KCNK3: variants seen among roughly 807,000 people sequenced by gnomAD.
KCNK3 encodes potassium two pore domain channel subfamily K member 3.
A neutral mutation model predicts 27.3 loss-of-function variants in KCNK3; 9 were observed. The ratio of observed to expected loss-of-function variants is 0.33; its 90% CI spans 0.20 to 0.57. KCNK3 has a LOEUF of 0.57. Ranked by LOEUF, KCNK3 falls within the 20% of genes least tolerant of loss-of-function variation. The pLI, the probability that KCNK3 is intolerant of heterozygous loss-of-function variation, is 0.87. For missense variants in KCNK3, 391 were observed against 577.7 expected, an observed-to-expected ratio of 0.68 and a Z score of 3.31; for synonymous variants, 278 against 273.8, an observed-to-expected ratio of 1.02 and a Z score of -0.15.
intron 1 of KCNK3, among the ~76,000 whole-genome samples, chr2:26,707,559 T>C (rs1670391549): frequency 6.6e-6 from 1 of 152,172 alleles, no homozygotes; most frequent in South Asian, 2.1e-4. Context: ...CCTGGGGGTC[T>C]CCACTGTGGT....
intron 1 of KCNK3, among the ~76,000 whole-genome samples, chr2:26,717,507 G>T (rs750199082): frequency 6.6e-6 from 1 of 152,222 alleles, no homozygotes; most frequent in Non-Finnish European, 1.5e-5. Flanking sequence ...AGCCATCCGC[G>T]AAGAGGGCCA....
chr2:26,718,663 TA>T (rs892129896), intron 1 of KCNK3, among the ~76,000 whole-genome samples: 9 of 151,998 alleles, frequency 5.9e-5, no homozygotes, highest in African/African-American at 2.2e-4. Flanking sequence ...GGCTGGAGTG[TA>T]GTGGTGCAAT....
rs1572612925 is a variant in KCNK3 at position 26,721,355 on chromosome 2, A to G, written c.284-6312A>G. Among the ~76,000 whole-genome samples the G allele has an allele frequency of 1.3e-5, 2 of 151,996 alleles. No individual in the cohort carries two copies. Among genetic ancestry groups the G allele is most frequent in the African/African-American group, 4.8e-5 (2 of 41,362 alleles). ...TGCATCTCACAGGAGGAGGGAGAGCACCTGCGCCCTCCTCCCGTCTCCACC... is the reference window on the plus strand; with the variant it reads ...TGCATCTCACAGGAGGAGGGAGAGCGCCTGCGCCCTCCTCCCGTCTCCACC... On this transcript the variant is annotated intron_variant, in intron 1 of 1. Coordinates refer to ENST00000302909, the MANE Select transcript of KCNK3 (RefSeq NM_002246.3). The surrounding 1 kb of genome is among the most constrained non-coding windows in gnomAD (Gnocchi z 4.3).
In KCNK3 at chr2:26,693,622, C is replaced by A. The variant is rs1258894592; in HGVS notation, c.283+464C>A. 6.6e-6 allele frequency among the ~76,000 whole-genome samples: 1 copy of A among 152,178 alleles called. No individual in the cohort carries two copies. Among genetic ancestry groups the A allele is most frequent in the African/African-American group, 2.4e-5 (1 of 41,452 alleles). ...GGGGAGGCATGAGGATGTCGGAATGCGGCACTTCGGGGCACTTGGGGCCAC... is the reference window on the plus strand; with the variant it reads ...GGGGAGGCATGAGGATGTCGGAATGAGGCACTTCGGGGCACTTGGGGCCAC... On this transcript the variant is annotated intron_variant, in intron 1 of 1. Transcript: ENST00000302909. This position sits in a 1 kb window ranked among gnomAD's most constrained non-coding sequence, Gnocchi z 5.5.
In KCNK3 at chr2:26,728,212, G is replaced by A. The variant is rs1175185220; in HGVS notation, c.829G>A (p.Gly277Ser). The change falls in exon 2 of 2, where the codon GGC becomes AGC. Residue 277 changes from glycine to serine, a missense_variant. This residue lies in a region of KCNK3 where 192 missense variants were observed against 196.0 expected (regional missense o/e 0.98). Coordinates refer to ENST00000302909, the MANE Select transcript of KCNK3 (RefSeq NM_002246.3). Reference protein sequence around the residue: ...NGQAGGGGGGGSAHTTDTASS... With the variant: ...NGQAGGGGGGSSAHTTDTASS... ...GCAGGCGGGCGGCGGCGGAGGGGGTGGCAGCGCGCACACTACGGACACCGC... is the reference window on the plus strand; with the variant it reads ...GCAGGCGGGCGGCGGCGGAGGGGGTAGCAGCGCGCACACTACGGACACCGC... The A allele has an allele frequency of 1.9e-6, 3 of 1,561,886 alleles. No homozygotes were observed.
chr2:26,720,083 T>C (rs1221536375), intron 1 of KCNK3, among the ~76,000 whole-genome samples: 3 of 152,134 alleles, frequency 2.0e-5, no homozygotes, highest in African/African-American at 7.2e-5. Context: ...GCCAATGTGG[T>C]GCAACCCCGT....
chr2:26,715,674 C>T (rs1663216848), intron 1 of KCNK3, among the ~76,000 whole-genome samples: 1 of 152,220 alleles, frequency 6.6e-6, no homozygotes, highest in Admixed American at 6.5e-5. Flanking sequence ...ACTCCATGTG[C>T]CCCTGAGGGC....
intron 1 of KCNK3, among the ~76,000 whole-genome samples, chr2:26,705,660 A>G (rs969763568): frequency 2.0e-5 from 3 of 152,128 alleles, no homozygotes; most frequent in African/African-American, 7.2e-5. Flanking sequence ...GTGTTGGCCT[A>G]TGAGGGGCAA....
intron 1 of KCNK3, among the ~76,000 whole-genome samples, chr2:26,704,269 C>T (rs1014921816): frequency 2.0e-5 from 3 of 152,134 alleles, no homozygotes; most frequent in Non-Finnish European, 4.4e-5. Flanking sequence ...AGCACCGGGA[C>T]GGTGCTAAGC....
In KCNK3 at chr2:26,728,192, C is replaced by A; in HGVS notation, c.809C>A (p.Ala270Glu). 6.4e-7 allele frequency: 1 copy of A among 1,563,632 alleles called. No individual in the cohort carries two copies. Among genetic ancestry groups the A allele is most frequent in the Non-Finnish European group, 8.7e-7 (1 of 1,154,400 alleles). ...HRALLTRNGQ[A>E]GGGGGGGSAH... ...GCGCTGCTCACGCGCAACGGGCAGGCGGGCGGCGGCGGAGGGGGTGGCAGC... is the reference window on the plus strand; with the variant it reads ...GCGCTGCTCACGCGCAACGGGCAGGAGGGCGGCGGCGGAGGGGGTGGCAGC... The change falls in exon 2 of 2, where the codon GCG becomes GAG. Residue 270 changes from alanine (A) to glutamate (E), a missense_variant. Coordinates refer to ENST00000302909, the MANE Select transcript of KCNK3 (RefSeq NM_002246.3).
In KCNK3 at chr2:26,692,756, G is replaced by T. The variant is rs12476527; in HGVS notation, c.-120G>T. On this transcript the variant is annotated 5_prime_UTR_variant, in exon 1 of 2. Coordinates refer to ENST00000302909, the MANE Select transcript of KCNK3 (RefSeq NM_002246.3). This position sits in a 1 kb window ranked among gnomAD's most constrained non-coding sequence, Gnocchi z 5.6. ...GGCCCCGGGCGCTGAGCGGGTGCCC[G>T]GCGCGGAGAGCGGCGAGCGCAGCCA... 267,123 of 465,024 alleles carry T rather than the reference G, an allele frequency of 0.57. 80,860 individuals carry two copies. The highest frequency in any genetic ancestry group is 0.66 in the Admixed American group (10,074 of 15,234). The allele number at this position is 465,024 out of a possible 1,614,324, so 28.8% of individuals were successfully genotyped here.
At chr2:26,710,554 A>T (rs567868207) in intron 1 of KCNK3, among the ~76,000 whole-genome samples, 1 of 152,300 alleles carries the variant, frequency 6.6e-6, no homozygotes, top group East Asian at 1.9e-4. Flanking sequence ...GTGGGAAGTC[A>T]TGTGCAAGGC....
At chr2:26,699,250 A>AAGCAAGC (rs1558594833) in intron 1 of KCNK3, among the ~76,000 whole-genome samples, 43 of 142,872 alleles carry the variant, frequency 3.0e-4, no homozygotes, top group Middle Eastern at 3.5e-3. Context: ...AGAAAGAAAG[A>AAGCAAGC]AAGCCAGCCA....
In KCNK3 at chr2:26,721,169, T is replaced by TGTGCTGGACACTGAGGGGACAAGCCAGCC. The variant is rs1267273053; in HGVS notation, c.284-6497_284-6469dup. 2.0e-5 allele frequency among the ~76,000 whole-genome samples: 3 copies of TGTGCTGGACACTGAGGGGACAAGCCAGCC among 152,040 alleles called. No individual in the cohort carries two copies. The highest frequency in any genetic ancestry group is 4.4e-5 in the Non-Finnish European group (3 of 67,986). On this transcript the variant is annotated intron_variant, in intron 1 of 1. Transcript: ENST00000302909. This position sits in a 1 kb window ranked among gnomAD's most constrained non-coding sequence, Gnocchi z 4.3. ...TTCTGCAGCCCTCCCACCCCAGGCC[T>TGTGCTGGACACTGAGGGGACAAGCCAGCC]GTGCTGGACACTGAGGGGACAAGCC...
At chr2:26,711,060 C>T (rs1663102033) in intron 1 of KCNK3, among the ~76,000 whole-genome samples, 1 of 152,200 alleles carries the variant, frequency 6.6e-6, no homozygotes, top group Admixed American at 6.5e-5. Flanking sequence ...GCTAACCAGC[C>T]CCTCACTGAC....
At chr2:26,708,883 C>A (rs925683723) in intron 1 of KCNK3, among the ~76,000 whole-genome samples, 4 of 152,106 alleles carry the variant, frequency 2.6e-5, no homozygotes, top group African/African-American at 9.7e-5. Flanking sequence ...CGCAGGTCAA[C>A]CCCTCCAAAG....
At chr2:26,724,726 G>A (rs1456395501) in intron 1 of KCNK3, among the ~76,000 whole-genome samples, 1 of 152,208 alleles carries the variant, frequency 6.6e-6, no homozygotes, top group Non-Finnish European at 1.5e-5. Flanking sequence ...CTCTGGTTAA[G>A]CCTGGATGTG....
chr2:26,718,078 G>A lies in KCNK3; in HGVS notation c.284-9589G>A, dbSNP rs192486613. Among the ~76,000 whole-genome samples, 241 of 146,144 alleles carry A rather than the reference G, an allele frequency of 1.6e-3. 1 individual carries two copies. The highest frequency in any genetic ancestry group is 4.8e-3 in the Admixed American group (69 of 14,460). On this transcript the variant is annotated intron_variant, in intron 1 of 1. Transcript: ENST00000302909. ...CTGTCCTCTCCTTTCTCGGCCCCTCGCCCCTACCTCCTCCTCTCATCCCGA... is the reference window on the plus strand; with the variant it reads ...CTGTCCTCTCCTTTCTCGGCCCCTCACCCCTACCTCCTCCTCTCATCCCGA...
Position 26,721,956 on chromosome 2 carries a change from C to G in KCNK3, c.284-5711C>G, listed in dbSNP as rs1168084271. On this transcript the variant is annotated intron_variant, in intron 1 of 1. Coordinates refer to ENST00000302909, the MANE Select transcript of KCNK3 (RefSeq NM_002246.3). The surrounding 1 kb of genome is among the most constrained non-coding windows in gnomAD (Gnocchi z 4.3). ...GGCTGGGCCACCCAGAGAAGGAGATCAAAGAATCATATCGTCAGAGACCTG... is the reference window on the plus strand; with the variant it reads ...GGCTGGGCCACCCAGAGAAGGAGATGAAAGAATCATATCGTCAGAGACCTG... 6.6e-6 allele frequency among the ~76,000 whole-genome samples: 1 copy of G among 152,192 alleles called. No individual in the cohort carries two copies. Among genetic ancestry groups the G allele is most frequent in the African/African-American group, 2.4e-5 (1 of 41,452 alleles).
Sources: gnomAD v4.1 joint callset for allele counts (sites outside exome capture counted in the v4.1 genomes callset) on GRCh38, gnomAD v4.1.1 for gene constraint, gnomAD v4.1.1 regional missense constraint, Gnocchi (gnomAD v3.1) non-coding constraint, MANE v1.5 for transcripts, NCBI Gene and HGNC (gene_info 2026-07-23, HGNC 2026-07-21) for gene names.